CBFA2T2: variants seen among roughly 807,000 people sequenced by gnomAD.
CBFA2T2 encodes the protein CBFA2/RUNX1 partner transcriptional co-repressor 2.
In CBFA2T2, 11 loss-of-function variants were observed where a neutral mutation model predicts 62.2. The observed-to-expected ratio is 0.18, with a 90% CI of 0.11 to 0.29. The LOEUF is 0.29. CBFA2T2 is among the 10% of genes least tolerant of loss of function. CBFA2T2 has a pLI of 1.00. For synonymous variants in CBFA2T2, 295 were observed against 287.5 expected, an observed-to-expected ratio of 1.03 and a Z score of -0.27; for missense variants, 592 against 774.1, an observed-to-expected ratio of 0.76 and a Z score of 2.79.
chr20:33,500,437 G>A (rs761045379), intron 1 of CBFA2T2, among the ~76,000 whole-genome samples: 11 of 151,888 alleles, frequency 7.2e-5, no homozygotes, highest in South Asian at 4.1e-4. Flanking sequence ...GGCCAGGCGC[G>A]GTGGCTCACG....
At chr20:33,641,653 G>A (rs1247863898) in intron 10 of CBFA2T2, among the ~76,000 whole-genome samples, 1 of 152,090 alleles carries the variant, frequency 6.6e-6, no homozygotes. Context: ...GTGCGGTCTC[G>A]GCTCACCGCA....
chr20:33,503,024 G>A (rs2011319538), intron 1 of CBFA2T2, among the ~76,000 whole-genome samples: 1 of 145,158 alleles, frequency 6.9e-6, no homozygotes, highest in Non-Finnish European at 1.5e-5. Flanking sequence ...CCGGGAGGCG[G>A]AGCTTGCAGT....
chr20:33,531,799 C>T (rs1204362476), intron 1 of CBFA2T2, among the ~76,000 whole-genome samples: 2 of 152,220 alleles, frequency 1.3e-5, no homozygotes, highest in East Asian at 3.8e-4. Context: ...TTTTATCCTC[C>T]AAACCACCAT....
chr20:33,523,261 A>G (rs1333842734), intron 1 of CBFA2T2, among the ~76,000 whole-genome samples: 1 of 152,052 alleles, frequency 6.6e-6, no homozygotes, highest in Non-Finnish European at 1.5e-5. Flanking sequence ...GATAAATCAT[A>G]GGCTTTATTT....
At chr20:33,587,706 C>T (rs2014440086) in intron 1 of CBFA2T2, among the ~76,000 whole-genome samples, 1 of 152,210 alleles carries the variant, frequency 6.6e-6, no homozygotes, top group Non-Finnish European at 1.5e-5. Context: ...GCCCCGTACC[C>T]AGTTTTAATT....
chr20:33,582,581 G>A (rs1253829202), intron 1 of CBFA2T2, among the ~76,000 whole-genome samples: 1 of 152,228 alleles, frequency 6.6e-6, no homozygotes, highest in East Asian at 1.9e-4. Flanking sequence ...AGCACTTTGG[G>A]AGGCTGAGGC....
At chr20:33,535,666 TTTTATTTA>T (rs559246712) in intron 1 of CBFA2T2, among the ~76,000 whole-genome samples, 1 of 148,046 alleles carries the variant, frequency 6.8e-6, no homozygotes, top group Non-Finnish European at 1.5e-5. Context: ...TTTTATTTTA[TTTTATTTA>T]TTTATTTATT....
chr20:33,568,267 CA>C (rs2146899814), intron 1 of CBFA2T2, among the ~76,000 whole-genome samples: 1 of 152,278 alleles, frequency 6.6e-6, no homozygotes, highest in East Asian at 1.9e-4. Flanking sequence ...CCCAGTCCCC[CA>C]AAAACATTGA....
At chr20:33,490,412 GC>G in intron 1 of CBFA2T2, 111 bp downstream of exon 1, 1 of 1,063,350 alleles carries the variant, frequency 9.4e-7, no homozygotes, top group Non-Finnish European at 1.2e-6. Flanking sequence ...GGAAACTGAG[GC>G]CCGAAGCGGG....
chr20:33,502,883 G>A (rs1316240637), intron 1 of CBFA2T2, among the ~76,000 whole-genome samples: 1 of 150,252 alleles, frequency 6.7e-6, no homozygotes, highest in African/African-American at 2.4e-5. Context: ...GAGGTCAGGA[G>A]ATCGAGACCA....
At chr20:33,530,310 A>G (rs567278966) in intron 1 of CBFA2T2, among the ~76,000 whole-genome samples, 31 of 152,312 alleles carry the variant, frequency 2.0e-4, no homozygotes, top group African/African-American at 6.7e-4. Context: ...CTAAAGCTAC[A>G]TGTCCTTATA....
At chr20:33,546,631 A>G (rs1278111764) in intron 1 of CBFA2T2, among the ~76,000 whole-genome samples, 3 of 150,534 alleles carry the variant, frequency 2.0e-5, no homozygotes, top group African/African-American at 7.3e-5. Flanking sequence ...AATTTTTTGT[A>G]GTGGATACAA....
At chr20:33,553,632 A>T (rs2012803314) in intron 1 of CBFA2T2, among the ~76,000 whole-genome samples, 1 of 152,204 alleles carries the variant, frequency 6.6e-6, no homozygotes, top group South Asian at 2.1e-4. Flanking sequence ...GAAAGCAGCC[A>T]TAGATAGACA....
chr20:33,517,765 C>G (rs2011628431), intron 1 of CBFA2T2, among the ~76,000 whole-genome samples: 1 of 151,254 alleles, frequency 6.6e-6, no homozygotes, highest in African/African-American at 2.4e-5. Context: ...CTGACTCAGC[C>G]TCCCGAGTAG....
intron 3 of CBFA2T2, among the ~76,000 whole-genome samples, chr20:33,616,078 G>GAGATGGATAGAT (rs1491173629): frequency 7.0e-6 from 1 of 143,194 alleles, no homozygotes; most frequent in African/African-American, 2.6e-5. Context: ...TCTGTAGATA[G>GAGATGGATAGAT]AGATAGATAG....
chr20:33,505,958 C>G (rs1240033535), intron 1 of CBFA2T2, among the ~76,000 whole-genome samples: 1 of 149,992 alleles, frequency 6.7e-6, no homozygotes, highest in South Asian at 2.1e-4. Context: ...AGACTGGTGG[C>G]GCACGCCTGT....
intron 1 of CBFA2T2, among the ~76,000 whole-genome samples, chr20:33,528,902 G>T (rs1287434134): frequency 6.6e-6 from 1 of 152,180 alleles, no homozygotes; most frequent in African/African-American, 2.4e-5. Context: ...TAATCCATCT[G>T]TTCCAGCCAG....
intron 1 of CBFA2T2, among the ~76,000 whole-genome samples, chr20:33,519,078 G>A (rs2011659628): frequency 6.6e-6 from 1 of 152,104 alleles, no homozygotes; most frequent in Non-Finnish European, 1.5e-5. Flanking sequence ...ATTAAATAAT[G>A]ATTAAGGAAA....
intron 1 of CBFA2T2, among the ~76,000 whole-genome samples, chr20:33,587,581 A>T (rs2014432825): frequency 6.6e-6 from 1 of 150,780 alleles, no homozygotes; most frequent in African/African-American, 2.4e-5. Context: ...TTGTACTTTT[A>T]GTAGAGACAG....
Sources: allele counts gnomAD v4.1 joint callset (sites outside exome capture counted in the v4.1 genomes callset), GRCh38; gene constraint gnomAD v4.1.1; transcripts MANE v1.5; gene names NCBI Gene and HGNC (gene_info 2026-07-23, HGNC 2026-07-21).